The following UNC79 variants were observed in gnomAD, a reference collection of about 807,000 sequenced individuals.
UNC79 encodes unc-79 subunit of NALCN channel complex, also known as protein unc-79 homolog.
A neutral mutation model predicts 283.1 loss-of-function variants in UNC79; 37 were observed. The observed-to-expected ratio is 0.13, with a 90% CI of 0.10 to 0.17. The LOEUF is 0.17. Among genes scored for constraint, UNC79 ranks in the 10% least tolerant of loss-of-function variants. UNC79 has a pLI of 1.00. For synonymous variants in UNC79, 1,107 were observed against 1,200.2 expected (o/e 0.92, Z 1.61); for missense variants, 2,272 against 3,211.1 (o/e 0.71, Z 7.07).
At chr14:93,365,367 A>G (rs1272501378) in intron 1 of UNC79, among the ~76,000 whole-genome samples, 1 of 139,086 alleles carries the variant, frequency 7.2e-6, no homozygotes, top group African/African-American at 2.8e-5. Flanking sequence ...CCTGGGTGAC[A>G]CAGTGATACT....
chr14:93,408,888 C>T (rs117192238), intron 1 of UNC79, among the ~76,000 whole-genome samples: 1 of 152,162 alleles, frequency 6.6e-6, no homozygotes, highest in East Asian at 1.9e-4. Context: ...TGCAATAAAA[C>T]TTTATCACTA....
In UNC79 at chr14:93,347,974, A is replaced by G. The variant is rs376716632; in HGVS notation, c.-351+14451A>G. ...TTTTAAGCACTTTTTGTTAGGCAGC[A>G]AGTCACTGGCCTAGGAAGCCATACT... On this transcript the variant is annotated intron_variant, in intron 1 of 49. Coordinates refer to the UNC79 transcript ENST00000256339. 7.9e-4 allele frequency: 847 copies of G among 1,068,560 alleles called. 2 individuals carry two copies. In the African/African-American group the frequency reaches 9.2e-3, roughly 12 times the overall value. 66.2% of individuals were successfully genotyped at this position (1,068,560 alleles called of 1,614,324 possible).
chr14:93,362,069 G>A (rs2054239380), intron 1 of UNC79, among the ~76,000 whole-genome samples: 1 of 152,122 alleles, frequency 6.6e-6, no homozygotes, highest in Non-Finnish European at 1.5e-5. Flanking sequence ...CTTTTTGGGT[G>A]TGCTGCTAGA....
At chr14:93,666,054 G>A (rs1196727933) in intron 40 of UNC79, among the ~76,000 whole-genome samples, 1 of 84,418 alleles carries the variant, frequency 1.2e-5, no homozygotes, top group East Asian at 2.1e-4. Flanking sequence ...TACTCTGTAA[G>A]GGGTGTGTGT....
At chr14:93,489,139 A>T (rs749046570) in intron 5 of UNC79, among the ~76,000 whole-genome samples, 1 of 152,094 alleles carries the variant, frequency 6.6e-6, no homozygotes, top group Non-Finnish European at 1.5e-5. Context: ...CAGTCTCATT[A>T]TGTTTCCCAG....
chr14:93,653,072 G>A lies in UNC79; in HGVS notation c.6084-670G>A, dbSNP rs150412879. Among the ~76,000 whole-genome samples, 247 of 152,132 alleles carry A rather than the reference G, an allele frequency of 1.6e-3. 1 individual carries two copies. The highest frequency in any genetic ancestry group is 5.7e-3 in the African/African-American group (237 of 41,504). ...TACTTCTTACTCTTTATCTATTTAC[G>A]TTCTTTGATTTTCTCTTTTTTCCTT... is the stretch of plus-strand genomic sequence containing the variant. On this transcript the variant is annotated intron_variant, in intron 35 of 48. Coordinates refer to ENST00000555664, the Ensembl canonical transcript of UNC79.
chr14:93,545,769 T>C (rs1229115762), intron 14 of UNC79, among the ~76,000 whole-genome samples: 1 of 152,146 alleles, frequency 6.6e-6, no homozygotes, highest in East Asian at 1.9e-4. Flanking sequence ...CAACATCGAT[T>C]CACGGAATTG....
chr14:93,384,951 A>C (rs535345673), intron 1 of UNC79, among the ~76,000 whole-genome samples: 3 of 152,120 alleles, frequency 2.0e-5, no homozygotes, highest in African/African-American at 7.2e-5. Flanking sequence ...CTTTTCCCCA[A>C]TGTATGTTCT....
intron 5 of UNC79, 119 bp downstream of exon 5, chr14:93,487,874 C>A: frequency 1.1e-6 from 1 of 912,626 alleles, no homozygotes; most frequent in South Asian, 2.2e-5. Flanking sequence ...GTGTAGAAAA[C>A]AGACTTTTGA....
intron 41 of UNC79, among the ~76,000 whole-genome samples, chr14:93,677,086 G>A (rs2073405880): frequency 6.6e-6 from 1 of 150,888 alleles, no homozygotes; most frequent in Non-Finnish European, 1.5e-5. Flanking sequence ...AGCACCAAGG[G>A]AAAAAAAAAT....
chr14:93,392,713 C>G (rs2054909126), intron 1 of UNC79, among the ~76,000 whole-genome samples: 1 of 152,178 alleles, frequency 6.6e-6, no homozygotes, highest in Non-Finnish European at 1.5e-5. Context: ...TTCTCTGACA[C>G]AGGACTGTTA....
intron 1 of UNC79, among the ~76,000 whole-genome samples, chr14:93,370,528 G>A (rs570228439): frequency 2.6e-5 from 4 of 152,158 alleles, no homozygotes; most frequent in Non-Finnish European, 4.4e-5. Flanking sequence ...ATCCCATCAC[G>A]TTGGGAGGCC....
intron 1 of UNC79, among the ~76,000 whole-genome samples, chr14:93,452,098 T>C (rs903089405): frequency 1.3e-5 from 2 of 152,238 alleles, no homozygotes; most frequent in African/African-American, 2.4e-5. Context: ...ACTTAAATAT[T>C]ATCTCTTCTG....
intron 2 of UNC79, among the ~76,000 whole-genome samples, chr14:93,473,218 C>T (rs2057616562): frequency 6.6e-6 from 1 of 151,828 alleles, no homozygotes. Flanking sequence ...GTATGATGTG[C>T]AGCTATATGA....
intron 8 of UNC79, among the ~76,000 whole-genome samples, chr14:93,527,364 G>T (rs1301329079): frequency 2.0e-5 from 3 of 152,186 alleles, no homozygotes; most frequent in African/African-American, 7.2e-5. Context: ...GACAGAGACT[G>T]TGGCCCACAA....
At chr14:93,572,186 C>A in intron 15 of UNC79, 102 bp downstream of exon 15, 1 of 1,271,350 alleles carries the variant, frequency 7.9e-7, no homozygotes, top group Non-Finnish European at 1.0e-6. Context: ...TTTATATAAT[C>A]TCATTTATTT....
intron 41 of UNC79, among the ~76,000 whole-genome samples, chr14:93,677,947 C>G (rs1216270971): frequency 6.6e-6 from 1 of 152,214 alleles, no homozygotes. Flanking sequence ...TGCGCCTGGC[C>G]TAGTGCCTCT....
intron 41 of UNC79, among the ~76,000 whole-genome samples, chr14:93,675,698 C>T (rs1267250748): frequency 6.6e-6 from 1 of 152,172 alleles, no homozygotes; most frequent in Non-Finnish European, 1.5e-5. Context: ...GAGTTTTTCT[C>T]AAAGGCTTGA....
exon 7 of UNC79, chr14:93,497,190 C>A: frequency 6.2e-7 from 1 of 1,613,490 alleles, no homozygotes; most frequent in Non-Finnish European, 8.5e-7. Context: ...TGGGCCTTCA[C>A]AAGTGAAGCC....
Sources: allele counts gnomAD v4.1 joint callset (sites outside exome capture counted in the v4.1 genomes callset), GRCh38; gene constraint gnomAD v4.1.1; transcripts MANE v1.5; gene names NCBI Gene and HGNC (gene_info 2026-07-23, HGNC 2026-07-21).